The following DOCK3 variants were observed in gnomAD, a reference collection of about 807,000 sequenced individuals.
The protein encoded by DOCK3 is dedicator of cytokinesis 3, also known as dedicator of cytokinesis protein 3.
A neutral mutation model predicts 265.6 loss-of-function variants in DOCK3; 60 were observed. That is an observed-to-expected ratio of 0.23 (90% CI 0.18 to 0.28). DOCK3 has a LOEUF of 0.28. Among genes scored for constraint, DOCK3 ranks in the 10% least tolerant of loss-of-function variants. DOCK3 has a pLI of 1.00. For synonymous variants in DOCK3, 881 were observed against 938.0 expected, an observed-to-expected ratio of 0.94 and a Z score of 1.11; for missense variants, 1,981 against 2,594.3, an observed-to-expected ratio of 0.76 and a Z score of 5.14.
At chr3:50,739,472 T>G (rs1159698324) in intron 1 of DOCK3, among the ~76,000 whole-genome samples, 1 of 152,170 alleles carries the variant, frequency 6.6e-6, no homozygotes, top group Non-Finnish European at 1.5e-5. Context: ...TTAGTACCTT[T>G]TCTTAGCATT....
intron 26 of DOCK3, 162 bp downstream of exon 26, chr3:51,277,916 C>T (rs982626269): frequency 2.0e-6 from 2 of 985,296 alleles, no homozygotes; most frequent in Non-Finnish European, 2.4e-6. Flanking sequence ...TGACTCTCCT[C>T]TCTACTCTGA....
At chr3:50,870,442 G>A (rs1244683308) in intron 3 of DOCK3, among the ~76,000 whole-genome samples, 3 of 151,666 alleles carry the variant, frequency 2.0e-5, no homozygotes, top group Non-Finnish European at 2.9e-5. Context: ...CTCTTTTTTG[G>A]TTTCCATTGG....
intron 14 of DOCK3, among the ~76,000 whole-genome samples, chr3:51,221,683 T>C (rs1367499034): frequency 6.6e-6 from 1 of 152,218 alleles, no homozygotes; most frequent in African/African-American, 2.4e-5. Flanking sequence ...CAAGAAATTC[T>C]GTTGGATGTC....
At chr3:51,274,942 AAGG>A in intron 24 of DOCK3, 134 bp from the exon 25 acceptor site, 5 of 965,644 alleles carry the variant, frequency 5.2e-6, no homozygotes, top group Non-Finnish European at 6.5e-6. Flanking sequence ...CTTGTAAGGT[AAGG>A]AGATTACCTT....
intron 32 of DOCK3, among the ~76,000 whole-genome samples, chr3:51,327,987 A>G (rs1321765112): frequency 6.6e-6 from 1 of 152,018 alleles, no homozygotes; most frequent in Non-Finnish European, 1.5e-5. Flanking sequence ...CAGCCCCATC[A>G]CCAGCTTCTT....
At chr3:51,126,058 GTGT>G (rs1302552914) in intron 9 of DOCK3, among the ~76,000 whole-genome samples, 3 of 152,226 alleles carry the variant, frequency 2.0e-5, no homozygotes, top group Admixed American at 1.3e-4. Context: ...GCTCTTAAAT[GTGT>G]TGTTTTCTTG....
chr3:51,133,859 A>T (rs4927963), intron 9 of DOCK3, among the ~76,000 whole-genome samples: 1 of 152,110 alleles, frequency 6.6e-6, no homozygotes, highest in Non-Finnish European at 1.5e-5. Flanking sequence ...CAGAGATGAT[A>T]GAATGTTCTT....
intron 26 of DOCK3, 89 bp from the exon 27 acceptor site, chr3:51,280,017 C>T: frequency 9.8e-7 from 1 of 1,021,490 alleles, no homozygotes; most frequent in African/African-American, 1.6e-5. Context: ...CCATCTCAGA[C>T]CCTCCCTTCT....
At chr3:51,166,198 C>T (rs1239273310) in intron 12 of DOCK3, among the ~76,000 whole-genome samples, 1 of 151,632 alleles carries the variant, frequency 6.6e-6, no homozygotes, top group Non-Finnish European at 1.5e-5. Flanking sequence ...TTACAGGTGC[C>T]CACCACCATG....
At chr3:51,344,849 A>C (rs1210463481) in intron 38 of DOCK3, among the ~76,000 whole-genome samples, 1 of 152,278 alleles carries the variant, frequency 6.6e-6, no homozygotes, top group South Asian at 2.1e-4. Flanking sequence ...AGGTTTGCAG[A>C]GTGTCTTAAA....
At chr3:51,176,558 G>T (rs539634768) in intron 12 of DOCK3, among the ~76,000 whole-genome samples, 2 of 152,136 alleles carry the variant, frequency 1.3e-5, no homozygotes, top group Admixed American at 6.5e-5. Flanking sequence ...CTCAGGAGGC[G>T]GAGCTTGCAG....
At chr3:50,874,264 G>A (rs974390441) in intron 3 of DOCK3, among the ~76,000 whole-genome samples, 7 of 151,746 alleles carry the variant, frequency 4.6e-5, no homozygotes, top group Admixed American at 2.6e-4. Context: ...CACTTTGGGA[G>A]GCTGAGGTGG....
chr3:51,192,781 CT>C (rs2088028588), intron 12 of DOCK3, among the ~76,000 whole-genome samples: 1 of 151,882 alleles, frequency 6.6e-6, no homozygotes, highest in African/African-American at 2.4e-5. Flanking sequence ...GGTGCCCAGC[CT>C]TGTGGTCATT....
At chr3:50,781,933 T>C (rs1340589362) in intron 2 of DOCK3, among the ~76,000 whole-genome samples, 4 of 152,200 alleles carry the variant, frequency 2.6e-5, no homozygotes, top group African/African-American at 9.6e-5. Context: ...TCCAGCTCCA[T>C]CTATGTTCCT....
At chr3:51,102,877 G>C (rs1166421358) in intron 9 of DOCK3, among the ~76,000 whole-genome samples, 2 of 152,192 alleles carry the variant, frequency 1.3e-5, no homozygotes, top group African/African-American at 4.8e-5. Flanking sequence ...ATGGCATCTA[G>C]AGATATGGCT....
intron 3 of DOCK3, among the ~76,000 whole-genome samples, chr3:50,875,122 G>A (rs1258698895): frequency 6.6e-6 from 1 of 152,054 alleles, no homozygotes; most frequent in Admixed American, 6.6e-5. Flanking sequence ...CCTAGATGAC[G>A]AGTTGATAGG....
At position 51,353,867 on chromosome 3, in the gene DOCK3, A is replaced by G. The variant is rs117623061; in HGVS notation, c.4108-1015A>G. On this transcript the variant is annotated intron_variant, in intron 40 of 52. Transcript: ENST00000266037. ...CCATTTTGTTGAAATGGGTCTGGCT[A>G]GGCAGTTGGATGGGCAGACTGCATC... 4.6e-5 allele frequency among the ~76,000 whole-genome samples: 7 copies of G among 152,150 alleles called. No individual in the cohort carries two copies. The East Asian group carries it at 1.4e-3, about 30-fold the overall frequency.
At chr3:51,115,023 T>G (rs2083674618) in intron 9 of DOCK3, among the ~76,000 whole-genome samples, 1 of 152,192 alleles carries the variant, frequency 6.6e-6, no homozygotes, top group Admixed American at 6.5e-5. Context: ...ATGTTGTATA[T>G]GTGCCACATT....
At chr3:50,998,301 G>A (rs2078353420) in intron 5 of DOCK3, among the ~76,000 whole-genome samples, 1 of 152,138 alleles carries the variant, frequency 6.6e-6, no homozygotes, top group Non-Finnish European at 1.5e-5. Context: ...ACTAATTGGA[G>A]AGCTTTTAAA....
Sources: allele counts gnomAD v4.1 joint callset (sites outside exome capture counted in the v4.1 genomes callset), GRCh38; gene constraint gnomAD v4.1.1; transcripts MANE v1.5; gene names NCBI Gene and HGNC (gene_info 2026-07-23, HGNC 2026-07-21).